The following ZNF711 variants were observed in gnomAD, a reference collection of about 807,000 sequenced individuals.
ZNF711 encodes ZFX family zinc finger ZNF711, also known as zinc finger protein 711.
A neutral mutation model predicts 43.5 loss-of-function variants in ZNF711; 3 were observed. The ratio of observed to expected loss-of-function variants is 0.07; its 90% CI spans 0.03 to 0.18. The LOEUF is 0.18. Ranked by LOEUF, ZNF711 falls within the 10% of genes least tolerant of loss-of-function variation. The probability of loss-of-function intolerance (pLI) is 1.00; values close to 1 mark genes in which losing one functional copy is unlikely to be tolerated. For missense variants in ZNF711, 412 were observed against 604.0 expected, an observed-to-expected ratio of 0.68 and a Z score of 3.33; for synonymous variants, 209 against 207.7, an observed-to-expected ratio of 1.01 and a Z score of -0.06.
intron 4 of ZNF711, among the ~76,000 whole-genome samples, chrX:85,250,537 T>C (rs1929473224): frequency 8.9e-6 from 1 of 112,166 alleles, no homozygotes; most frequent in African/African-American, 3.2e-5. Context: ...TTTGTTGTTA[T>C]ATACCTGTTT....
chrX:85,266,954 A>C (rs1327459883), intron 7 of ZNF711, among the ~76,000 whole-genome samples: 1 of 107,715 alleles, frequency 9.3e-6, no homozygotes, highest in Admixed American at 1.0e-4. Flanking sequence ...TCTGAGTCCC[A>C]AAAGACTGTC....
intron 4 of ZNF711, 84 bp from the exon 5 acceptor site, chrX:85,255,175 A>G (rs1930007439): frequency 4.6e-6 from 4 of 874,560 alleles, no homozygotes; most frequent in Non-Finnish European, 4.9e-6. Flanking sequence ...TTTAAGAAAT[A>G]TTTATAGCAT....
In ZNF711 at chrX:85,268,319, G is replaced by T. The variant is rs1161285113; in HGVS notation, c.1080G>T (p.Arg360Ser). Reference protein sequence around the residue: ...AYGDERRVSRRYEDCQASGNT... With the variant: ...AYGDERRVSRSYEDCQASGNT... ...GAGATGAAAGAAGAGTTTCCCGAAG[G>T]TATGAAGATTGTCAAGCATCAGGTA... Residue 360 changes from arginine to serine, a missense_variant, in exon 9 of 11, where the codon AGG (arginine) becomes AGT (serine). Physicochemically the swap from Arg to Ser is moderately radical, Grantham distance 110. Coordinates refer to ENST00000674551, the MANE Select transcript of ZNF711 (RefSeq NM_001330574.2). 2.6e-6 allele frequency: 3 copies of T among 1,137,200 alleles called. No individual in the cohort carries two copies. The African/African-American group carries it at 6.0e-5, about 23-fold the overall frequency. 93.7% of individuals were successfully genotyped at this position (1,137,200 alleles called of 1,213,427 possible). A position where few individuals can be genotyped will look rare whatever the true frequency, so the allele number is the denominator to read the frequency against.
chrX:85,270,395 A>G (rs1028514458), intron 10 of ZNF711, among the ~76,000 whole-genome samples: 3 of 110,496 alleles, frequency 2.7e-5, no homozygotes, highest in African/African-American at 6.6e-5. Flanking sequence ...AATAAAGGGT[A>G]CCTGTTTTTG....
At chrX:85,255,841 A>T in intron 5 of ZNF711, 40 bp downstream of exon 5, 1 of 1,176,991 alleles carries the variant, frequency 8.5e-7, no homozygotes, top group Non-Finnish European at 1.1e-6. Context: ...CAGGAGATTG[A>T]TTTATATAAT....
intron 4 of ZNF711, among the ~76,000 whole-genome samples, chrX:85,248,472 CA>C (rs1166126484): frequency 0.073 from 1,451 of 19,881 alleles, 6 homozygotes; most frequent in African/African-American, 0.17. Flanking sequence ...GACTCAGTCT[CA>C]AAAAAAAAAA....
intron 4 of ZNF711, among the ~76,000 whole-genome samples, chrX:85,249,704 T>C (rs1929379141): frequency 8.9e-6 from 1 of 112,151 alleles, no homozygotes; most frequent in African/African-American, 3.2e-5. Flanking sequence ...TTTATTCAGA[T>C]ACATTCACAT....
chrX:85,248,472 CAAAAAAAAAAAAAAAA>C (rs1166126484), intron 4 of ZNF711, among the ~76,000 whole-genome samples: 2 of 19,968 alleles, frequency 1.0e-4, no homozygotes, highest in African/African-American at 3.3e-4. Context: ...GACTCAGTCT[CAAAAAAAAAAAAAAAA>C]AAAAAAAAAG....
chrX:85,271,033 C>A lies in ZNF711; in HGVS notation c.1629C>A (p.Ala543=). ...EQGLLNRHLL[A]VHSKNFPHVC... is the part of the protein sequence containing the mutation. The stretch of plus-strand genomic sequence containing the variant: ...GACTGTTAAACAGGCATTTGTTGGC[C>A]GTTCACAGCAAGAATTTTCCTCATG... The change falls in exon 11 of 11, where the codon GCC becomes GCA. Residue 543 remains alanine (A), a synonymous_variant. Coordinates refer to ENST00000674551, the MANE Select transcript of ZNF711 (RefSeq NM_001330574.2). 1 of 1,210,898 alleles carries A rather than the reference C, an allele frequency of 8.3e-7. No individual in the cohort carries two copies. Among genetic ancestry groups the A allele is most frequent in the African/African-American group, 1.7e-5 (1 of 57,649 alleles).
intron 5 of ZNF711, among the ~76,000 whole-genome samples, chrX:85,259,491 T>C (rs1930453395): frequency 8.9e-6 from 1 of 111,788 alleles, no homozygotes; most frequent in Admixed American, 9.5e-5. Flanking sequence ...TTGGGCAGTA[T>C]GTCCATTTTA....
intron 5 of ZNF711, among the ~76,000 whole-genome samples, chrX:85,257,966 A>G (rs1930318727): frequency 8.8e-6 from 1 of 113,128 alleles, no homozygotes; most frequent in Non-Finnish European, 1.9e-5. Flanking sequence ...ACTATGGAAA[A>G]CAGTGTGGAG....
intron 4 of ZNF711, among the ~76,000 whole-genome samples, chrX:85,253,647 T>C (rs1929742148): frequency 9.1e-6 from 1 of 110,483 alleles, no homozygotes; most frequent in African/African-American, 3.3e-5. Flanking sequence ...TGTGTGTGTA[T>C]GTGAATGTAT....
At chrX:85,254,814 A>AAAAAAG (rs1322539464) in intron 4 of ZNF711, among the ~76,000 whole-genome samples, 7 of 106,636 alleles carry the variant, frequency 6.6e-5, no homozygotes, top group African/African-American at 2.1e-4. Flanking sequence ...AAAAAAAAAA[A>AAAAAAG]AAAAAGAAAA....
chrX:85,270,569 C>A (rs1931495725), intron 10 of ZNF711, 82 bp from the exon 11 acceptor site: 1 of 821,960 alleles, frequency 1.2e-6, no homozygotes, highest in Non-Finnish European at 1.8e-6. Flanking sequence ...ATAGTGAATG[C>A]CAACTAGTTT....
At chrX:85,254,134 T>G (rs1482901197) in intron 4 of ZNF711, among the ~76,000 whole-genome samples, 1 of 111,458 alleles carries the variant, frequency 9.0e-6, no homozygotes, top group Non-Finnish European at 1.9e-5. Flanking sequence ...GTACAGTGTT[T>G]GGTATAAACA....
At chrX:85,250,910 G>A (rs776017542) in intron 4 of ZNF711, among the ~76,000 whole-genome samples, 6 of 111,162 alleles carry the variant, frequency 5.4e-5, no homozygotes, top group African/African-American at 1.6e-4. Context: ...GAAATGCAAA[G>A]GTTGTCAAAC....
chrX:85,273,283 G>A lies in ZNF711; in HGVS notation c.*1455G>A, dbSNP rs1346253015. 3 of 111,685 alleles carry A rather than the reference G, an allele frequency of 2.7e-5. No individual in the cohort carries two copies. Among genetic ancestry groups the A allele is most frequent in the East Asian group, 2.8e-4 (1 of 3,554 alleles). 9.2% of individuals were successfully genotyped at this position (111,685 alleles called of 1,213,427 possible). Reference sequence around the variant, plus strand: ...GATGTACACGCTGTAAAATAAGATCGCTACTGTTATGTGGGATTATTATTT... The same window carrying A: ...GATGTACACGCTGTAAAATAAGATCACTACTGTTATGTGGGATTATTATTT... On this transcript the variant is annotated 3_prime_UTR_variant, in exon 11 of 11. Transcript: ENST00000674551.
intron 5 of ZNF711, among the ~76,000 whole-genome samples, chrX:85,256,930 TATC>T (rs1413648386): frequency 9.0e-6 from 1 of 111,451 alleles, no homozygotes; most frequent in Non-Finnish European, 1.9e-5. Context: ...ATAGTATGGT[TATC>T]ATGTAAAATG....
In ZNF711 at chrX:85,255,502, A is replaced by G. The variant is rs1163189559; in HGVS notation, c.323A>G (p.Asp108Gly). The change falls in exon 5 of 11, where the codon GAT (aspartate) becomes GGT (glycine). Residue 108 changes from aspartate to glycine, a missense_variant. By Grantham distance (94) the Asp-to-Gly change is moderately conservative (BLOSUM62 -1). Transcript: ENST00000674551. ...VAIEEDLEED[D>G]GDHILTSELI... ...ATTGAAGAGGATTTAGAGGAAGATG[A>G]TGGTGATCACATCTTGACTTCTGAA... 1 of 1,211,751 alleles carries G rather than the reference A, an allele frequency of 8.3e-7. No individual in the cohort carries two copies. The highest frequency in any genetic ancestry group is 3.0e-5 in the East Asian group (1 of 33,838).
Sources: allele counts gnomAD v4.1 joint callset (sites outside exome capture counted in the v4.1 genomes callset), GRCh38; gene constraint gnomAD v4.1.1; transcripts MANE v1.5; gene names NCBI Gene and HGNC (gene_info 2026-07-23, HGNC 2026-07-21).